The following TBL1X variants were observed in gnomAD, a reference collection of about 807,000 sequenced individuals.
TBL1X encodes the protein F-box-like/WD repeat-containing protein TBL1X.
Under a neutral mutation model 50.7 loss-of-function variants are expected in TBL1X, and 10 were observed. That is an observed-to-expected ratio of 0.20 (90% confidence interval 0.12 to 0.33). TBL1X has a LOEUF of 0.33. TBL1X is among the 10% of genes least tolerant of loss of function. The pLI is 1.00. For missense variants in TBL1X, 340 were observed against 504.4 expected, an observed-to-expected ratio of 0.67 and a Z score of 3.12; for synonymous variants, 190 against 214.7, an observed-to-expected ratio of 0.88 and a Z score of 1.01.
intron 5 of TBL1X, among the ~76,000 whole-genome samples, chrX:9,659,071 C>CT (rs1451715038): frequency 9.0e-6 from 1 of 111,413 alleles, no homozygotes; most frequent in African/African-American, 3.3e-5. Context: ...GAGATCCTCC[C>CT]CCCCGGCCTC....
At chrX:9,470,519 T>A (rs2081807529) in intron 1 of TBL1X, among the ~76,000 whole-genome samples, 1 of 112,665 alleles carries the variant, frequency 8.9e-6, no homozygotes, top group Non-Finnish European at 1.9e-5. Context: ...CCTCCCAAAG[T>A]GCTGGGATTA....
At chrX:9,491,306 T>TTATATATATATATATATATA (rs757466880) in intron 1 of TBL1X, among the ~76,000 whole-genome samples, 6 of 51,887 alleles carry the variant, frequency 1.2e-4, no homozygotes, top group African/African-American at 1.6e-4. Context: ...GCCAGTATAT[T>TTATATATATATATATATATA]TATATATATA....
rs749399266 is a variant in TBL1X at position 9,692,686 on chromosome X, G to T, written c.891+432G>T. 1.7e-3 allele frequency among the ~76,000 whole-genome samples: 189 copies of T among 112,881 alleles called. 1 individual carries two copies. Among genetic ancestry groups the T allele is most frequent in the African/African-American group, 5.9e-3 (184 of 31,135 alleles). ...GCCTCCCAAAGTGCTGGGATTATAG[G>T]CGTGAGCCACTGCCCCCGGCCAGTC... is the stretch of plus-strand genomic sequence containing the variant. On this transcript the variant is annotated intron_variant, in intron 9 of 17. Transcript: ENST00000645353.
chrX:9,592,459 GT>G (rs202105433), intron 2 of TBL1X, among the ~76,000 whole-genome samples: 1 of 111,329 alleles, frequency 9.0e-6, no homozygotes, highest in Admixed American at 9.5e-5. Context: ...TGCATATTCT[GT>G]TTTTTTTATT....
intron 2 of TBL1X, among the ~76,000 whole-genome samples, chrX:9,560,741 G>T (rs1484386264): frequency 1.8e-5 from 2 of 111,883 alleles, no homozygotes; most frequent in Non-Finnish European, 1.9e-5. Context: ...CATGAAGCAG[G>T]TGTAGACAGA....
chrX:9,701,889 G>A (rs964412974), intron 12 of TBL1X, among the ~76,000 whole-genome samples: 4 of 111,875 alleles, frequency 3.6e-5, no homozygotes, highest in Admixed American at 9.5e-5. Context: ...CATGAAACAC[G>A]CTGCTGGGGA....
chrX:9,628,323 G>A (rs1340656921), intron 2 of TBL1X, among the ~76,000 whole-genome samples: 1 of 111,807 alleles, frequency 8.9e-6, no homozygotes, highest in Admixed American at 9.4e-5. Context: ...CACCCTCTCC[G>A]TATGGTGACC....
chrX:9,555,790 G>A (rs1168620315), intron 2 of TBL1X, among the ~76,000 whole-genome samples: 2 of 111,859 alleles, frequency 1.8e-5, no homozygotes, highest in African/African-American at 6.5e-5. Context: ...GGACTACCAT[G>A]AACTGCTTTA....
At chrX:9,665,606 TAGTC>T (rs758316840) in intron 5 of TBL1X, among the ~76,000 whole-genome samples, 6 of 93,782 alleles carry the variant, frequency 6.4e-5, no homozygotes, top group Non-Finnish European at 1.3e-4. Context: ...TTTTTCTTCT[TAGTC>T]AGCTGAATTA....
intron 5 of TBL1X, among the ~76,000 whole-genome samples, chrX:9,682,618 G>A (rs2146627607): frequency 8.9e-6 from 1 of 111,751 alleles, no homozygotes; most frequent in South Asian, 3.8e-4. Flanking sequence ...TCTGGTGAGC[G>A]TTTTGTTTAT....
chrX:9,470,907 T>TA (rs1392577649), intron 1 of TBL1X, among the ~76,000 whole-genome samples: 1 of 112,343 alleles, frequency 8.9e-6, no homozygotes, highest in Non-Finnish European at 1.9e-5. Flanking sequence ...CTACTGGAAT[T>TA]ACAGGTGTGA....
chrX:9,483,197 G>A (rs1416860348), intron 1 of TBL1X, among the ~76,000 whole-genome samples: 3 of 111,578 alleles, frequency 2.7e-5, no homozygotes, highest in South Asian at 3.7e-4. Flanking sequence ...TTTGCACCTC[G>A]TGGTAGCTGT....
At chrX:9,611,406 C>T (rs1203481436) in intron 2 of TBL1X, among the ~76,000 whole-genome samples, 1 of 112,307 alleles carries the variant, frequency 8.9e-6, no homozygotes, top group African/African-American at 3.2e-5. Flanking sequence ...CAGAACTTAA[C>T]GTGGCCATGA....
intron 1 of TBL1X, among the ~76,000 whole-genome samples, chrX:9,491,327 TA>T (rs1569205490): frequency 5.6e-3 from 170 of 30,155 alleles, no homozygotes; most frequent in African/African-American, 0.017. Flanking sequence ...TATATATATA[TA>T]TATATATATA....
chrX:9,625,239 T>C (rs2082686593), intron 2 of TBL1X, among the ~76,000 whole-genome samples: 1 of 112,635 alleles, frequency 8.9e-6, no homozygotes, highest in Non-Finnish European at 1.9e-5. Context: ...AGAATATTAA[T>C]AGAACAAAAG....
chrX:9,601,315 T>C (rs1458499328), intron 2 of TBL1X, among the ~76,000 whole-genome samples: 1 of 110,525 alleles, frequency 9.0e-6, no homozygotes, highest in East Asian at 2.9e-4. Flanking sequence ...GGGGTGAGAG[T>C]TGGTATCTCG....
At chrX:9,467,129 C>T (rs761349767) in intron 1 of TBL1X, among the ~76,000 whole-genome samples, 4 of 112,389 alleles carry the variant, frequency 3.6e-5, no homozygotes, top group African/African-American at 1.3e-4. Flanking sequence ...TGGAGTTTTC[C>T]CATCAATTAT....
intron 2 of TBL1X, among the ~76,000 whole-genome samples, chrX:9,532,563 C>T (rs181785615): frequency 2.2e-3 from 241 of 111,183 alleles, no homozygotes; most frequent in Non-Finnish European, 3.8e-3. Flanking sequence ...GCCTTAGTCT[C>T]CTGGGCTGCC....
rs187817505 is a variant in TBL1X, at chrX:9,500,966, C to T, written c.-200-814C>T. Among the ~76,000 whole-genome samples the T allele has an allele frequency of 6.3e-5, 7 of 111,736 alleles. No homozygotes were observed. The East Asian group carries it at 1.1e-3, about 18-fold the overall frequency. On this transcript the variant is annotated intron_variant, in intron 1 of 17. Coordinates refer to ENST00000645353, the MANE Select transcript of TBL1X (RefSeq NM_005647.4). ...GCTGAACATCCCACAGTGCACAGGG[C>T]GGCCTCACAACAACCAAGACCACCT...
Sources: allele counts gnomAD v4.1 joint callset (sites outside exome capture counted in the v4.1 genomes callset), GRCh38; gene constraint gnomAD v4.1.1; transcripts MANE v1.5; gene names NCBI Gene and HGNC (gene_info 2026-07-23, HGNC 2026-07-21).